DLGAP2: variants seen among roughly 807,000 people sequenced by gnomAD.
DLGAP2 encodes disks large-associated protein 2.
A neutral mutation model predicts 100.3 loss-of-function variants in DLGAP2; 26 were observed. That is an observed-to-expected ratio of 0.26 (90% CI 0.19 to 0.36). DLGAP2 has a LOEUF of 0.36. Among genes scored for constraint, DLGAP2 ranks in the 10% least tolerant of loss-of-function variants. DLGAP2 has a pLI of 1.00. For missense variants in DLGAP2, 1,858 were observed against 1,453.2 expected, an observed-to-expected ratio of 1.28 and a Z score of -4.53; for synonymous variants, 886 against 630.1, an observed-to-expected ratio of 1.41 and a Z score of -6.08.
intron 8 of DLGAP2, among the ~76,000 whole-genome samples, chr8:1,651,717 G>A (rs1798169678): frequency 6.6e-6 from 1 of 152,192 alleles, no homozygotes; most frequent in African/African-American, 2.4e-5. Context: ...AAATAACAGG[G>A]GAAGATGTCT....
rs374462646 is a variant in DLGAP2, at chr8:1,294,011, G to A, written c.106+35128G>A. 3.3e-5 allele frequency among the ~76,000 whole-genome samples: 5 copies of A among 152,204 alleles called. No individual in the cohort carries two copies. The East Asian group carries it at 5.8e-4, about 18-fold the overall frequency. On this transcript the variant is annotated intron_variant, in intron 3 of 14. Coordinates refer to ENST00000637795, the MANE Select transcript of DLGAP2 (RefSeq NM_001346810.2). ...TTTCCCGGGGTCTCGGAGCCCACAC[G>A]TGAAGGTGGCTCGCTGCCACCAGGG...
At chr8:1,515,264 A>G (rs1800327264) in intron 4 of DLGAP2, among the ~76,000 whole-genome samples, 1 of 152,108 alleles carries the variant, frequency 6.6e-6, no homozygotes, top group South Asian at 2.1e-4. Flanking sequence ...CTTTCTTTTG[A>G]AGGGAAAAAG....
chr8:1,022,471 C>A (rs1801654141), intron 2 of DLGAP2, among the ~76,000 whole-genome samples: 1 of 143,694 alleles, frequency 7.0e-6, no homozygotes, highest in Admixed American at 7.0e-5. Context: ...ACTCCAGCCG[C>A]CATCCATCCT....
chr8:1,425,631 C>A (rs1358073044), intron 3 of DLGAP2, among the ~76,000 whole-genome samples: 3 of 152,196 alleles, frequency 2.0e-5, no homozygotes, highest in Non-Finnish European at 2.9e-5. Flanking sequence ...ACATGGTCTT[C>A]CACAAGCCTA....
chr8:754,900 A>G (rs772774773), intron 1 of DLGAP2, among the ~76,000 whole-genome samples: 2 of 152,212 alleles, frequency 1.3e-5, no homozygotes, highest in Non-Finnish European at 2.9e-5. Flanking sequence ...ACCAAGATAC[A>G]TATTTTTAGT....
At chr8:1,143,130 C>G (rs866208654) in intron 2 of DLGAP2, among the ~76,000 whole-genome samples, 1 of 152,144 alleles carries the variant, frequency 6.6e-6, no homozygotes, top group African/African-American at 2.4e-5. Flanking sequence ...AGCCAGGGTT[C>G]TCTCCTTTAT....
chr8:1,174,341 A>G (rs1053946290), intron 2 of DLGAP2, among the ~76,000 whole-genome samples: 3 of 151,810 alleles, frequency 2.0e-5, no homozygotes, highest in African/African-American at 7.3e-5. Context: ...CATTACCATT[A>G]CCACCATCAT....
chr8:1,695,019 G>A (rs933655647), intron 13 of DLGAP2, among the ~76,000 whole-genome samples: 13 of 152,186 alleles, frequency 8.5e-5, no homozygotes, highest in African/African-American at 2.4e-4. Flanking sequence ...CCCAAAGGAC[G>A]GGTGTGTTGT....
At chr8:1,687,110 C>T (rs961278163) in intron 12 of DLGAP2, among the ~76,000 whole-genome samples, 3 of 152,150 alleles carry the variant, frequency 2.0e-5, no homozygotes, top group Admixed American at 1.3e-4. Context: ...GACCCCACTA[C>T]AAAATTAGTT....
intron 3 of DLGAP2, among the ~76,000 whole-genome samples, chr8:1,261,996 C>A (rs1276952649): frequency 6.6e-6 from 1 of 152,210 alleles, no homozygotes; most frequent in African/African-American, 2.4e-5. Flanking sequence ...TTTAGCATCT[C>A]GCTTTCTTGT....
At chr8:1,312,855 T>C (rs1322454381) in intron 3 of DLGAP2, among the ~76,000 whole-genome samples, 1 of 152,214 alleles carries the variant, frequency 6.6e-6, no homozygotes, top group African/African-American at 2.4e-5. Flanking sequence ...CGAGTGTCCA[T>C]CTGTAGGAAA....
intron 3 of DLGAP2, among the ~76,000 whole-genome samples, chr8:1,294,599 G>T (rs1800129559): frequency 1.3e-5 from 2 of 152,236 alleles, no homozygotes; most frequent in South Asian, 4.2e-4. Flanking sequence ...ATGTCGAATT[G>T]GAATTTTAAA....
intron 6 of DLGAP2, among the ~76,000 whole-genome samples, chr8:1,588,177 G>A (rs532001594): frequency 6.6e-5 from 10 of 152,346 alleles, no homozygotes; most frequent in African/African-American, 2.4e-4. Context: ...AGCACGGATA[G>A]TTCAGCTAAA....
chr8:1,269,934 G>C (rs73674903), intron 3 of DLGAP2, among the ~76,000 whole-genome samples: 1,643 of 152,296 alleles, frequency 0.011, 37 homozygotes, highest in African/African-American at 0.036. Flanking sequence ...TTCATGGACC[G>C]TGGAGAGGCA....
intron 2 of DLGAP2, among the ~76,000 whole-genome samples, chr8:914,518 A>T (rs1798551315): frequency 6.6e-6 from 1 of 152,206 alleles, no homozygotes; most frequent in Admixed American, 6.5e-5. Context: ...TCTAGCATGG[A>T]TGCTGTCTTT....
At chr8:1,658,848 TTAGTTATTTCTTGTCTTCTGC>T (rs1186966165) in intron 8 of DLGAP2, among the ~76,000 whole-genome samples, 1 of 152,224 alleles carries the variant, frequency 6.6e-6, no homozygotes, top group Non-Finnish European at 1.5e-5. Flanking sequence ...TGCTGTGATC[TTAGTTATTTCTTGTCTTCTGC>T]TAGCTTTTGA....
At chr8:818,204 C>T (rs1269260026) in intron 1 of DLGAP2, among the ~76,000 whole-genome samples, 1 of 152,104 alleles carries the variant, frequency 6.6e-6, no homozygotes, top group African/African-American at 2.4e-5. Flanking sequence ...CATGTGGTTT[C>T]CAGGCCAATG....
intron 13 of DLGAP2, among the ~76,000 whole-genome samples, chr8:1,696,656 T>G (rs1799405276): frequency 6.6e-6 from 1 of 152,162 alleles, no homozygotes; most frequent in African/African-American, 2.4e-5. Flanking sequence ...GGTGAGAGCA[T>G]CCTGTTCCTT....
At chr8:1,543,004 C>T (rs149381295) in intron 4 of DLGAP2, among the ~76,000 whole-genome samples, 35 of 152,282 alleles carry the variant, frequency 2.3e-4, no homozygotes, top group African/African-American at 7.7e-4. Context: ...GCCGTTAGGA[C>T]ATCTTCTTTG....
Sources: gnomAD v4.1 joint callset for allele counts (sites outside exome capture counted in the v4.1 genomes callset) on GRCh38, gnomAD v4.1.1 for gene constraint, MANE v1.5 for transcripts, NCBI Gene and HGNC (gene_info 2026-07-23, HGNC 2026-07-21) for gene names.